The following GPATCH2 variants were observed in gnomAD, a reference collection of about 807,000 sequenced individuals.
GPATCH2 encodes the protein G patch domain-containing protein 2.
A neutral mutation model predicts 58.0 loss-of-function variants in GPATCH2; 51 were observed. The observed-to-expected ratio is 0.88, with a 90% CI of 0.70 to 1.11. The LOEUF is 1.11. Among genes scored for constraint, GPATCH2 ranks in the 50% most tolerant of loss-of-function variants. GPATCH2 has a pLI of 0.00. For synonymous variants in GPATCH2, 222 were observed against 218.5 expected (o/e 1.02, Z -0.14); for missense variants, 625 against 652.2 (o/e 0.96, Z 0.45).
At chr1:217,582,879 G>GAA (rs1228862476) in intron 5 of GPATCH2, among the ~76,000 whole-genome samples, 1 of 152,186 alleles carries the variant, frequency 6.6e-6, no homozygotes, top group East Asian at 1.9e-4. Context: ...GAGCACCTGA[G>GAA]ATTGCAGAGT....
At chr1:217,624,648 T>G (rs772752439) in intron 1 of GPATCH2, among the ~76,000 whole-genome samples, 2 of 152,262 alleles carry the variant, frequency 1.3e-5, no homozygotes, top group East Asian at 3.8e-4. Flanking sequence ...ATCCTAGAGA[T>G]AGTTTCTTAA....
intron 7 of GPATCH2, chr1:217,498,143 G>T: frequency 1.6e-6 from 1 of 637,684 alleles, no homozygotes; most frequent in African/African-American, 1.8e-5. Flanking sequence ...TATGACTGAA[G>T]ACAGTGGCAG....
chr1:217,435,744 G>A (rs1658792794), intron 9 of GPATCH2, among the ~76,000 whole-genome samples: 1 of 152,130 alleles, frequency 6.6e-6, no homozygotes, highest in African/African-American at 2.4e-5. Context: ...CTAATTTAGG[G>A]ACATGGATTT....
chr1:217,514,902 T>A lies in GPATCH2; in HGVS notation c.1099-13A>T. 7.5e-7 allele frequency: 1 copy of A among 1,326,812 alleles called. No individual in the cohort carries two copies. The highest frequency in any genetic ancestry group is 1.8e-4 in the Middle Eastern group (1 of 5,562). The allele number at this position is 1,326,812 out of a possible 1,614,324, so 82.2% of individuals were successfully genotyped here. On this transcript the variant is annotated splice_polypyrimidine_tract_variant and intron_variant, in intron 5 of 9. Coordinates refer to ENST00000366935, the MANE Select transcript of GPATCH2 (RefSeq NM_018040.5). ...CAGGAATGGGTACCTACAGGGAGATTTAAAAAGAAAAAATAAATTTCAGAT... is the reference window on the plus strand; with the variant it reads ...CAGGAATGGGTACCTACAGGGAGATATAAAAAGAAAAAATAAATTTCAGAT...
chr1:217,550,950 T>A (rs990545280), intron 5 of GPATCH2, among the ~76,000 whole-genome samples: 4 of 151,790 alleles, frequency 2.6e-5, no homozygotes, highest in African/African-American at 9.7e-5. Flanking sequence ...TTACATAGCA[T>A]ATAATCAGAG....
intron 8 of GPATCH2, among the ~76,000 whole-genome samples, chr1:217,452,945 A>G (rs2102474644): frequency 6.6e-6 from 1 of 152,328 alleles, no homozygotes; most frequent in South Asian, 2.1e-4. Context: ...ATTGATCCAT[A>G]AGATCACCCC....
chr1:217,578,589 T>C (rs967547128), intron 5 of GPATCH2, among the ~76,000 whole-genome samples: 5 of 152,206 alleles, frequency 3.3e-5, no homozygotes, highest in Non-Finnish European at 7.4e-5. Flanking sequence ...GGCTGAGGTT[T>C]CTGGTACCAT....
At position 217,514,814 on chromosome 1, in the gene GPATCH2, G is replaced by A. The variant is rs1361045615; in HGVS notation, c.1166+8C>T. 5.9e-6 allele frequency: 8 copies of A among 1,353,096 alleles called. No homozygotes were observed. The highest frequency in any genetic ancestry group is 1.4e-5 in the African/African-American group (1 of 70,034). 83.8% of individuals were successfully genotyped at this position (1,353,096 alleles called of 1,614,324 possible). ...CAATAAGGTTATATAAACACACTGA[G>A]TACTCACTCATGGTGATGAGAATCC... On this transcript the variant is annotated splice_region_variant and intron_variant, in intron 6 of 9. Transcript: ENST00000366935.
At chr1:217,497,145 A>G (rs1309745090) in intron 7 of GPATCH2, among the ~76,000 whole-genome samples, 1 of 152,154 alleles carries the variant, frequency 6.6e-6, no homozygotes, top group Non-Finnish European at 1.5e-5. Context: ...AGCTTTATAA[A>G]ATTGTATTTT....
intron 8 of GPATCH2, among the ~76,000 whole-genome samples, chr1:217,461,114 C>G (rs1660180649): frequency 6.6e-6 from 1 of 152,162 alleles, no homozygotes; most frequent in Non-Finnish European, 1.5e-5. Context: ...CTACTTTTAT[C>G]TCCATATTGA....
intron 5 of GPATCH2, among the ~76,000 whole-genome samples, chr1:217,574,196 A>G (rs979542493): frequency 6.6e-6 from 1 of 152,234 alleles, no homozygotes; most frequent in Non-Finnish European, 1.5e-5. Context: ...AGTGACCAAG[A>G]AAGTCTTTTG....
At chr1:217,433,377 TA>T (rs1658643223) in intron 9 of GPATCH2, among the ~76,000 whole-genome samples, 2 of 60,108 alleles carry the variant, frequency 3.3e-5, no homozygotes, top group East Asian at 2.6e-4. Flanking sequence ...TATATATATA[TA>T]TATATATTTA....
chr1:217,517,345 C>G (rs1663216298), intron 5 of GPATCH2, among the ~76,000 whole-genome samples: 1 of 151,978 alleles, frequency 6.6e-6, no homozygotes, highest in African/African-American at 2.4e-5. Flanking sequence ...ATATAATGAT[C>G]TCTTCAGGGT....
chr1:217,531,523 C>G (rs143233328), intron 5 of GPATCH2, among the ~76,000 whole-genome samples: 3 of 152,110 alleles, frequency 2.0e-5, no homozygotes, highest in African/African-American at 7.2e-5. Flanking sequence ...CATTCTAATA[C>G]CTATCTCATG....
At chr1:217,476,360 C>G (rs1180492083) in intron 8 of GPATCH2, among the ~76,000 whole-genome samples, 2 of 151,274 alleles carry the variant, frequency 1.3e-5, no homozygotes, top group African/African-American at 2.4e-5. Flanking sequence ...GCCACCCCCT[C>G]CAGGACACCA....
At chr1:217,550,550 G>A (rs1453763729) in intron 5 of GPATCH2, among the ~76,000 whole-genome samples, 2 of 151,792 alleles carry the variant, frequency 1.3e-5, no homozygotes, top group African/African-American at 2.4e-5. Context: ...AATGACACTC[G>A]TCTATAAGTG....
chr1:217,585,109 A>C (rs1406096906), intron 5 of GPATCH2, among the ~76,000 whole-genome samples: 2 of 152,066 alleles, frequency 1.3e-5, no homozygotes, highest in African/African-American at 4.8e-5. Flanking sequence ...CACTTCAAAC[A>C]CTAGTGTCTT....
At chr1:217,575,329 G>C (rs1666756350) in intron 5 of GPATCH2, among the ~76,000 whole-genome samples, 1 of 152,096 alleles carries the variant, frequency 6.6e-6, no homozygotes, top group South Asian at 2.1e-4. Context: ...CAGGAATGAT[G>C]TTAAAAATCC....
intron 8 of GPATCH2, among the ~76,000 whole-genome samples, chr1:217,480,686 C>A (rs1194800617): frequency 6.6e-6 from 1 of 152,164 alleles, no homozygotes; most frequent in Admixed American, 6.5e-5. Flanking sequence ...GAGATACCTG[C>A]ACTCCCATGT....
Sources: gnomAD v4.1 joint callset for allele counts (sites outside exome capture counted in the v4.1 genomes callset) on GRCh38, gnomAD v4.1.1 for gene constraint, MANE v1.5 for transcripts, NCBI Gene and HGNC (gene_info 2026-07-23, HGNC 2026-07-21) for gene names.